The following ROBO1 variants were observed in gnomAD, a reference collection of about 807,000 sequenced individuals.
ROBO1 encodes roundabout homolog 1.
Under a neutral mutation model 195.9 loss-of-function variants are expected in ROBO1, and 149 were observed. The ratio of observed to expected loss-of-function variants is 0.76; its 90% CI spans 0.67 to 0.87. ROBO1 has a LOEUF of 0.87. Ranked by LOEUF, ROBO1 falls within the 40% of genes least tolerant of loss-of-function variation. ROBO1 has a pLI of 0.00. For synonymous variants in ROBO1, 816 were observed against 733.2 expected (o/e 1.11, Z -1.82); for missense variants, 1,933 against 2,068.3 (o/e 0.93, Z 1.27).
At chr3:79,498,779 G>A (rs1939890249) in intron 2 of ROBO1, among the ~76,000 whole-genome samples, 1 of 151,832 alleles carries the variant, frequency 6.6e-6, no homozygotes, top group Non-Finnish European at 1.5e-5. Context: ...ACTTGAACCC[G>A]GGAGGCAGAG....
chr3:79,167,064 T>G (rs1419763928), intron 2 of ROBO1, among the ~76,000 whole-genome samples: 1 of 151,918 alleles, frequency 6.6e-6, no homozygotes, highest in Non-Finnish European at 1.5e-5. Flanking sequence ...TCAAATCATG[T>G]CCTAATCATG....
intron 2 of ROBO1, among the ~76,000 whole-genome samples, chr3:79,157,952 C>T (rs2080888171): frequency 6.6e-6 from 1 of 151,832 alleles, no homozygotes; most frequent in South Asian, 2.1e-4. Context: ...CCATCATATG[C>T]AGATAGCAGT....
intron 2 of ROBO1, among the ~76,000 whole-genome samples, chr3:79,138,875 G>A (rs1379247248): frequency 6.6e-6 from 1 of 151,786 alleles, no homozygotes; most frequent in Non-Finnish European, 1.5e-5. Context: ...TGAATGAATG[G>A]AGTGCATTTT....
intron 4 of ROBO1, among the ~76,000 whole-genome samples, chr3:78,839,773 C>T (rs544233243): frequency 6.6e-6 from 1 of 152,220 alleles, no homozygotes; most frequent in East Asian, 1.9e-4. Context: ...AGTTTCTCTC[C>T]TTTGAACTAT....
At chr3:79,437,780 C>T (rs2038935039) in intron 2 of ROBO1, among the ~76,000 whole-genome samples, 1 of 151,748 alleles carries the variant, frequency 6.6e-6, no homozygotes, top group Non-Finnish European at 1.5e-5. Flanking sequence ...GCAGAGGAAA[C>T]ACTGCTAAGG....
chr3:79,743,698 A>G (rs1413426384), intron 1 of ROBO1, among the ~76,000 whole-genome samples: 1 of 152,230 alleles, frequency 6.6e-6, no homozygotes, highest in Non-Finnish European at 1.5e-5. Context: ...CTTTCTGTAT[A>G]TATCCTTAGT....
intron 3 of ROBO1, among the ~76,000 whole-genome samples, chr3:79,045,325 A>T (rs958640970): frequency 1.3e-5 from 2 of 152,092 alleles, no homozygotes; most frequent in Admixed American, 1.3e-4. Flanking sequence ...TGAACTATAC[A>T]TTAAAGTTTT....
intron 1 of ROBO1, among the ~76,000 whole-genome samples, chr3:79,673,920 T>G (rs1366071418): frequency 6.6e-6 from 1 of 151,944 alleles, no homozygotes; most frequent in Non-Finnish European, 1.5e-5. Flanking sequence ...ACTCTCCTCA[T>G]TTTAAACTTT....
intron 2 of ROBO1, among the ~76,000 whole-genome samples, chr3:79,243,462 T>C (rs888301125): frequency 1.1e-4 from 16 of 152,142 alleles, no homozygotes; most frequent in South Asian, 2.1e-4. Flanking sequence ...AGTGTAAAAG[T>C]GTTCCTATTT....
At chr3:79,659,707 G>A (rs893926735) in intron 1 of ROBO1, among the ~76,000 whole-genome samples, 3 of 152,008 alleles carry the variant, frequency 2.0e-5, no homozygotes, top group African/African-American at 7.2e-5. Flanking sequence ...AATGTCATGC[G>A]AATGTCCACC....
chr3:79,377,582 C>T (rs567387307), intron 2 of ROBO1, among the ~76,000 whole-genome samples: 3 of 152,228 alleles, frequency 2.0e-5, no homozygotes, highest in Admixed American at 6.5e-5. Context: ...ATAATTTATT[C>T]GATGTAGTTT....
intron 2 of ROBO1, among the ~76,000 whole-genome samples, chr3:79,379,820 A>G (rs1048286552): frequency 6.6e-6 from 1 of 152,244 alleles, no homozygotes; most frequent in Non-Finnish European, 1.5e-5. Flanking sequence ...TTATAGACAT[A>G]TAAAATATTG....
At chr3:78,654,067 T>G (rs1012007325) in intron 18 of ROBO1, among the ~76,000 whole-genome samples, 1 of 152,238 alleles carries the variant, frequency 6.6e-6, no homozygotes. Context: ...TCCATAAAGA[T>G]AATTGGTATA....
At chr3:79,548,725 G>A (rs140652241) in intron 2 of ROBO1, among the ~76,000 whole-genome samples, 3 of 152,266 alleles carry the variant, frequency 2.0e-5, no homozygotes, top group East Asian at 1.9e-4. Context: ...AAAGAAGTAC[G>A]TTCTCCACAT....
At chr3:79,218,314 T>C (rs1428092300) in intron 2 of ROBO1, among the ~76,000 whole-genome samples, 1 of 151,986 alleles carries the variant, frequency 6.6e-6, no homozygotes, top group African/African-American at 2.4e-5. Flanking sequence ...GATTCCCCTA[T>C]GGAAGGAATT....
At chr3:79,674,827 CGTGTGTGT>C (rs151094387) in intron 1 of ROBO1, among the ~76,000 whole-genome samples, 637 of 61,930 alleles carry the variant, frequency 0.01, 3 homozygotes, top group Non-Finnish European at 0.017. Context: ...TATTTATATC[CGTGTGTGT>C]GTGTGTGTGT....
At position 78,640,690 on chromosome 3, in the gene ROBO1, G is replaced by A. The variant is rs75506141; in HGVS notation, c.2883-792C>T. On this transcript the variant is annotated intron_variant, in intron 21 of 30. Coordinates refer to ENST00000464233, the MANE Select transcript of ROBO1 (RefSeq NM_002941.4). ...TATTAATGGGAGCCTTGGACCAACA[G>A]AGCCAGGGACTCAAACTGGAGTTGA... 6.0e-3 allele frequency among the ~76,000 whole-genome samples: 921 copies of A among 152,268 alleles called. 10 individuals are homozygous for A. The highest frequency in any genetic ancestry group is 0.02 in the African/African-American group (811 of 41,556).
At chr3:79,223,344 CTCTT>C (rs1225304178) in intron 2 of ROBO1, among the ~76,000 whole-genome samples, 1 of 152,128 alleles carries the variant, frequency 6.6e-6, no homozygotes, top group African/African-American at 2.4e-5. Flanking sequence ...TCCTTCTCTT[CTCTT>C]TCTTCTTTTC....
intron 3 of ROBO1, among the ~76,000 whole-genome samples, chr3:79,071,320 T>A (rs2079084507): frequency 6.6e-6 from 1 of 151,878 alleles, no homozygotes; most frequent in Non-Finnish European, 1.5e-5. Flanking sequence ...CCCTACTTCA[T>A]CCTTCCTTAT....
Sources: gnomAD v4.1 joint callset for allele counts (sites outside exome capture counted in the v4.1 genomes callset) on GRCh38, gnomAD v4.1.1 for gene constraint, MANE v1.5 for transcripts, NCBI Gene and HGNC (gene_info 2026-07-23, HGNC 2026-07-21) for gene names.